Variants in WRN observed in about 807,000 individuals in gnomAD.
WRN encodes WRN RecQ like helicase, also known as bifunctional 3'-5' exonuclease/ATP-dependent helicase WRN.
In WRN, 149 loss-of-function variants were observed where a neutral mutation model predicts 180.7. The ratio of observed to expected loss-of-function variants is 0.82; its 90% CI spans 0.72 to 0.94. WRN has a LOEUF of 0.94. WRN is among the 40% of genes least tolerant of loss of function. The pLI is 0.00. For missense variants in WRN, 1,661 were observed against 1,700.1 expected (o/e 0.98, Z 0.40); for synonymous variants, 548 against 568.9 (o/e 0.96, Z 0.52).
intron 19 of WRN, among the ~76,000 whole-genome samples, chr8:31,114,872 G>A (rs1007780152): frequency 4.0e-5 from 6 of 149,332 alleles, no homozygotes; most frequent in Non-Finnish European, 8.9e-5. Context: ...TTTCTTCTTT[G>A]AAAACATGTT....
At position 31,100,854 on chromosome 8, in the gene WRN, A is replaced by G; in HGVS notation, c.1987A>G (p.Thr663Ala). ...GTGTTTTTCTTTTTTTACAGGTATC[A>G]CGCTCATTGCTGTGGATGAGGCTCA... ...LQQLEADIGI[T>A]LIAVDEAHCI... is the part of the protein sequence containing the mutation. The change falls in exon 18 of 35, where the codon ACG becomes GCG. Residue 663 changes from threonine to alanine, a missense_variant. Around this residue, in one of 3 missense-constraint regions of WRN, gnomAD observed 1,141 missense variants for 1,149.4 expected, o/e 0.99. Coordinates refer to ENST00000298139, the MANE Select transcript of WRN (RefSeq NM_000553.6). 1 of 1,613,534 alleles carries G rather than the reference A, an allele frequency of 6.2e-7. No homozygotes were observed. Among genetic ancestry groups the G allele is most frequent in the Admixed American group, 1.7e-5 (1 of 60,002 alleles).
chr8:31,148,255 C>T (rs1170773977), intron 30 of WRN, among the ~76,000 whole-genome samples: 1 of 151,970 alleles, frequency 6.6e-6, no homozygotes, highest in Middle Eastern at 3.4e-3. Context: ...CTATGCCTTC[C>T]TCCTCCTTCT....
At chr8:31,137,311 G>T (rs1415683715) in intron 24 of WRN, among the ~76,000 whole-genome samples, 1 of 151,892 alleles carries the variant, frequency 6.6e-6, no homozygotes, top group Non-Finnish European at 1.5e-5. Context: ...CTAATAAATG[G>T]TTTTTTTATG....
Position 31,144,856 on chromosome 8 carries a change from G to A in WRN, c.3383+1233G>A, listed in dbSNP as rs551719999. Reference sequence around the variant, plus strand: ...AAACAATGATAAGAAAGCAAAGCAGGCTTTTTGCTGATATGGAGAAAGTTT... The same window carrying A: ...AAACAATGATAAGAAAGCAAAGCAGACTTTTTGCTGATATGGAGAAAGTTT... On this transcript the variant is annotated intron_variant, in intron 28 of 34. Coordinates refer to ENST00000298139, the MANE Select transcript of WRN (RefSeq NM_000553.6). Among the ~76,000 whole-genome samples the A allele has an allele frequency of 2.6e-5, 4 of 152,300 alleles. No individual in the cohort carries two copies. The East Asian group carries it at 5.8e-4, about 22-fold the overall frequency.
At chr8:31,081,654 A>G (rs2130123765) in intron 9 of WRN, among the ~76,000 whole-genome samples, 1 of 152,278 alleles carries the variant, frequency 6.6e-6, no homozygotes, top group East Asian at 1.9e-4. Context: ...CTTTTTTCAT[A>G]ATAGATGTCT....
chr8:31,060,604 G>T (rs1812452797), intron 3 of WRN, among the ~76,000 whole-genome samples: 1 of 152,106 alleles, frequency 6.6e-6, no homozygotes, highest in South Asian at 2.1e-4. Context: ...TCTTCTACTG[G>T]TATAGATATA....
chr8:31,173,338 T>C lies in WRN; in HGVS notation c.*236T>C, dbSNP rs952600266. 20 of 504,998 alleles carry C rather than the reference T, an allele frequency of 4.0e-5. No individual in the cohort carries two copies. Among genetic ancestry groups the C allele is most frequent in the African/African-American group, 3.8e-4 (20 of 52,388 alleles). The allele number at this position is 504,998 out of a possible 1,614,324, so 31.3% of individuals were successfully genotyped here. A position where few individuals can be genotyped will look rare whatever the true frequency, so the allele number is the denominator to read the frequency against. ...ACAGAATATTAAATTAGACTTCCTG[T>C]AAGATTGCTTTAAGAAACTGTTACT... On this transcript the variant is annotated 3_prime_UTR_variant, in exon 35 of 35. Transcript: ENST00000298139.
intron 1 of WRN, among the ~76,000 whole-genome samples, chr8:31,048,547 ATG>A (rs1279299684): frequency 2.0e-5 from 3 of 152,188 alleles, no homozygotes; most frequent in South Asian, 4.1e-4. Context: ...GTGTGTATAA[ATG>A]TATAAATTAG....
At chr8:31,141,175 A>C (rs533002632) in intron 24 of WRN, among the ~76,000 whole-genome samples, 8 of 152,286 alleles carry the variant, frequency 5.3e-5, no homozygotes, top group African/African-American at 1.9e-4. Flanking sequence ...ATCCAAACCT[A>C]TACACTGGGC....
chr8:31,155,947 A>G (rs1803369065), intron 32 of WRN, among the ~76,000 whole-genome samples: 1 of 152,152 alleles, frequency 6.6e-6, no homozygotes, highest in African/African-American at 2.4e-5. Flanking sequence ...TACTGAATAA[A>G]TGCTCTAATT....
chr8:31,135,027 C>G (rs769429231), intron 24 of WRN, among the ~76,000 whole-genome samples: 1 of 151,778 alleles, frequency 6.6e-6, no homozygotes, highest in Non-Finnish European at 1.5e-5. Context: ...GCCCCCCCAC[C>G]AAAAAAAGTT....
At chr8:31,141,879 C>T in intron 26 of WRN, 104 bp downstream of exon 26, 3 of 1,110,206 alleles carry the variant, frequency 2.7e-6, no homozygotes, top group Non-Finnish European at 4.0e-6. Context: ...AAATGAATTA[C>T]CTGTTTGTTT....
intron 24 of WRN, among the ~76,000 whole-genome samples, chr8:31,136,510 T>C (rs1421295213): frequency 6.6e-6 from 1 of 152,170 alleles, no homozygotes; most frequent in East Asian, 1.9e-4. Flanking sequence ...CTTTTCTATT[T>C]ATTGTGCTGT....
At chr8:31,130,123 G>A (rs1260294266) in intron 23 of WRN, among the ~76,000 whole-genome samples, 1 of 150,552 alleles carries the variant, frequency 6.6e-6, no homozygotes, top group Non-Finnish European at 1.5e-5. Context: ...CAGGATTCAA[G>A]ACCAGTCTGG....
At chr8:31,147,608 C>T (rs1473789429) in intron 30 of WRN, 132 bp downstream of exon 30, 7 of 802,132 alleles carry the variant, frequency 8.7e-6, no homozygotes, top group African/African-American at 1.7e-5. Flanking sequence ...CCCCCTGCTG[C>T]GATGCTTATC....
At chr8:31,158,793 C>T (rs908029020) in intron 33 of WRN, among the ~76,000 whole-genome samples, 12 of 151,822 alleles carry the variant, frequency 7.9e-5, no homozygotes, top group South Asian at 2.1e-4. Flanking sequence ...CCATTGATCA[C>T]GGTGGAAGCA....
chr8:31,152,403 A>G (rs889564344), intron 31 of WRN, among the ~76,000 whole-genome samples: 1 of 152,158 alleles, frequency 6.6e-6, no homozygotes, highest in Non-Finnish European at 1.5e-5. Context: ...AAAAAAATTC[A>G]GGGGTAGGGA....
chr8:31,142,593 C>T lies in WRN; in HGVS notation c.3234-33C>T, dbSNP rs773643883. 3 of 1,494,188 alleles carry T rather than the reference C, an allele frequency of 2.0e-6. No homozygotes were observed. In the South Asian group the frequency reaches 3.7e-5, roughly 19 times the overall value. 92.6% of individuals were successfully genotyped at this position (1,494,188 alleles called of 1,614,324 possible). ...CATGAATTAGATACTTGCATCTTAA[C>T]ATTTGAAATAATTTAATTTTATTAT... On this transcript the variant is annotated intron_variant, in intron 26 of 34. Coordinates refer to ENST00000298139, the MANE Select transcript of WRN (RefSeq NM_000553.6).
chr8:31,172,244 C>G (rs898578202), intron 34 of WRN, among the ~76,000 whole-genome samples: 3 of 152,118 alleles, frequency 2.0e-5, no homozygotes, highest in Non-Finnish European at 4.4e-5. Flanking sequence ...CAGCCTTGAC[C>G]TCCTGGGCTC....
Sources: allele counts gnomAD v4.1 joint callset (sites outside exome capture counted in the v4.1 genomes callset), GRCh38; gene constraint gnomAD v4.1.1; regional missense constraint gnomAD v4.1.1; transcripts MANE v1.5; gene names NCBI Gene and HGNC (gene_info 2026-07-23, HGNC 2026-07-21).